The following MYBPH variants were observed in gnomAD, a reference collection of about 807,000 sequenced individuals.
MYBPH encodes the protein myosin binding protein H.
In MYBPH, 49 loss-of-function variants were observed where a neutral mutation model predicts 53.6. The observed-to-expected ratio is 0.91, with a 90% CI of 0.73 to 1.16. MYBPH has a LOEUF of 1.16. MYBPH is among the 50% of genes most tolerant of loss of function. The pLI, the probability that MYBPH is intolerant of heterozygous loss-of-function variation, is 0.00. For synonymous variants in MYBPH, 239 were observed against 249.6 expected, an observed-to-expected ratio of 0.96 and a Z score of 0.40; for missense variants, 558 against 624.1, an observed-to-expected ratio of 0.89 and a Z score of 1.13.
Position 203,171,300 on chromosome 1 carries a change from C to T in MYBPH, c.793+83G>A. On this transcript the variant is annotated intron_variant, in intron 5 of 10. Transcript: ENST00000255416. This position sits in a 1 kb window ranked among gnomAD's most constrained non-coding sequence, Gnocchi z 4.2. Reference sequence around the variant, plus strand: ...GCTCTTGCCACACTCCCTTGGCCTGCTCCCATCAGCCATCAGCTCTGGGAT... The same window carrying T: ...GCTCTTGCCACACTCCCTTGGCCTGTTCCCATCAGCCATCAGCTCTGGGAT... 4.5e-6 allele frequency: 7 copies of T among 1,561,666 alleles called. No individual in the cohort carries two copies. The highest frequency in any genetic ancestry group is 1.4e-5 in the African/African-American group (1 of 73,964).
At chr1:203,168,754 ACCTGT>A in intron 9 of MYBPH, 79 bp from the exon 10 acceptor site, 1 of 1,602,294 alleles carries the variant, frequency 6.2e-7, no homozygotes, top group Non-Finnish European at 8.5e-7. Flanking sequence ...CCTCTTCTAC[ACCTGT>A]CCACCCTGCC....
At chr1:203,172,860 T>C (rs3766548) in intron 3 of MYBPH, among the ~76,000 whole-genome samples, 44,445 of 152,090 alleles carry the variant, frequency 0.29, 7,742 homozygotes, top group Non-Finnish European at 0.4. Context: ...GTTGGTGGCA[T>C]GCAGGGCGGA....
Position 203,175,388 on chromosome 1 carries a change from G to A in MYBPH, c.279C>T (p.Pro93=), listed in dbSNP as rs1655786702. 10 of 1,537,098 alleles carry A rather than the reference G, an allele frequency of 6.5e-6. No individual in the cohort carries two copies. The highest frequency in any genetic ancestry group is 7.9e-6 in the Non-Finnish European group (9 of 1,144,392). The change falls in exon 2 of 11, where the codon CCC becomes CCT. Residue 93 remains proline (P), a synonymous_variant. Transcript: ENST00000255416. ...SSSSVTVSWE[P]PERLGRLGLQ... is the part of the protein sequence containing the mutation. ...GGCCCAGCCTCCCCAGCCTCTCTGG[G>A]GGCTCCCAGCTCACAGTCACAGAGC...
In MYBPH at chr1:203,171,222, G is replaced by C; in HGVS notation, c.794-22C>G. On this transcript the variant is annotated intron_variant, in intron 5 of 10. Coordinates refer to ENST00000255416, the MANE Select transcript of MYBPH (RefSeq NM_004997.3). This position sits in a 1 kb window ranked among gnomAD's most constrained non-coding sequence, Gnocchi z 4.2. ...TTCTCTGTAGGCCCAGAGTGTGAGA[G>C]GAAGTGAGTGTGAGGGCCAGGCTGG... 3 of 1,570,968 alleles carry C rather than the reference G, an allele frequency of 1.9e-6. No homozygotes were observed. The highest frequency in any genetic ancestry group is 1.4e-5 in the African/African-American group (1 of 73,646).
chr1:203,170,608 G>C (rs1343775001), intron 6 of MYBPH, among the ~76,000 whole-genome samples, 158 bp from the exon 7 acceptor site: 6 of 152,274 alleles, frequency 3.9e-5, no homozygotes, highest in African/African-American at 1.4e-4. Flanking sequence ...TTGGAAGAAG[G>C]GGCCCCTGGG....
Position 203,175,775 on chromosome 1 carries a change from C to A in MYBPH, c.-20G>T. ...CATCATTGCTGGACTGGCTGGGGGG[C>A]CAGGGTGGAGTGTGCAGGGGTCAGC... On this transcript the variant is annotated 5_prime_UTR_variant, in exon 1 of 11. Transcript: ENST00000255416. The A allele has an allele frequency of 6.2e-7, 1 of 1,612,366 alleles. No individual in the cohort carries two copies. The highest frequency in any genetic ancestry group is 8.5e-7 in the Non-Finnish European group (1 of 1,179,736).
chr1:203,172,346 A>G (rs1655717328), intron 3 of MYBPH, among the ~76,000 whole-genome samples: 1 of 152,108 alleles, frequency 6.6e-6, no homozygotes, highest in Admixed American at 6.5e-5. Flanking sequence ...CCTGCAGCCC[A>G]GGCATTCCCA....
At chr1:203,173,559 A>G (rs956323973) in intron 3 of MYBPH, among the ~76,000 whole-genome samples, 1 of 152,198 alleles carries the variant, frequency 6.6e-6, no homozygotes, top group Non-Finnish European at 1.5e-5. Flanking sequence ...CATGGTTCCC[A>G]TGTCTCTCAG....
At chr1:203,168,800 C>T in intron 9 of MYBPH, 106 bp downstream of exon 9, 1 of 1,581,544 alleles carries the variant, frequency 6.3e-7, no homozygotes, top group Non-Finnish European at 8.6e-7. Context: ...AGCCTGACCC[C>T]AGTCTTACCA....
chr1:203,172,037 G>C lies in MYBPH; in HGVS notation c.512C>G (p.Ala171Gly). 7.6e-7 allele frequency: 1 copy of C among 1,315,874 alleles called. No individual in the cohort carries two copies. Among genetic ancestry groups the C allele is most frequent in the Non-Finnish European group, 9.8e-7 (1 of 1,024,560 alleles). 81.5% of individuals were successfully genotyped at this position (1,315,874 alleles called of 1,614,324 possible). ...GTGGCGGGGGACACGGATCTTGGGG[G>C]CCTCTGGATCAAAGCAAGAGTCTGG... ...QPIHIRENIE[A>G]PKIRVPRHLR... is the part of the protein sequence containing the mutation. The change falls in exon 4 of 11, where the codon GCC (alanine) becomes GGC (glycine). Residue 171 changes from alanine to glycine, a missense_variant. Coordinates refer to ENST00000255416, the MANE Select transcript of MYBPH (RefSeq NM_004997.3).
chr1:203,174,301 T>C, intron 3 of MYBPH, 129 bp downstream of exon 3: 1 of 1,431,908 alleles, frequency 7.0e-7, no homozygotes, highest in Non-Finnish European at 9.2e-7. Flanking sequence ...TGATAGCGTG[T>C]GGCTTGTGCA....
At chr1:203,179,004 C>T (rs1219527174), upstream of MYBPH, 3 of 157,604 alleles carry the variant, frequency 1.9e-5, no homozygotes, top group Non-Finnish European at 2.8e-5. Context: ...GACACGATTA[C>T]GTTCCTAAGT....
intron 7 of MYBPH, among the ~76,000 whole-genome samples, 154 bp downstream of exon 7, chr1:203,170,137 C>T (rs1655666676): frequency 6.6e-6 from 1 of 152,196 alleles, no homozygotes; most frequent in Non-Finnish European, 1.5e-5. Context: ...GCAGCCACTC[C>T]ATGTGTGTGT....
chr1:203,175,943 G>T, upstream of MYBPH: 1 of 602,398 alleles, frequency 1.7e-6, no homozygotes, highest in South Asian at 2.0e-5. Context: ...AGGCGCCCAG[G>T]CCAGGAATAG....
intron 7 of MYBPH, 108 bp downstream of exon 7, chr1:203,170,183 C>A: frequency 7.2e-7 from 1 of 1,388,496 alleles, no homozygotes; most frequent in Non-Finnish European, 9.9e-7. Flanking sequence ...GGCAAGTGTT[C>A]CAGGGGCAGA....
chr1:203,177,525 G>A (rs575524122), upstream of MYBPH, among the ~76,000 whole-genome samples: 13 of 152,320 alleles, frequency 8.5e-5, no homozygotes, highest in African/African-American at 2.6e-4. Context: ...TGGCAGTGCA[G>A]GGCCTGGGAG....
upstream of MYBPH, among the ~76,000 whole-genome samples, chr1:203,177,717 G>A (rs1655840772): frequency 6.6e-6 from 1 of 152,374 alleles, no homozygotes; most frequent in African/African-American, 2.4e-5. Context: ...GTCCCCGGCT[G>A]GGGGAAGGGT....
At chr1:203,175,958 G>A (rs1309772625), upstream of MYBPH, 5 of 591,650 alleles carry the variant, frequency 8.5e-6, no homozygotes, top group South Asian at 1.0e-4. Flanking sequence ...GAATAGCTCT[G>A]GGGGAGGAAC....
chr1:203,173,665 A>T (rs533781358), intron 3 of MYBPH, among the ~76,000 whole-genome samples: 7 of 152,294 alleles, frequency 4.6e-5, no homozygotes, highest in African/African-American at 1.7e-4. Context: ...ACCAGAAATC[A>T]TCCATCCCCT....
Sources: gnomAD v4.1 joint callset for allele counts (sites outside exome capture counted in the v4.1 genomes callset) on GRCh38, gnomAD v4.1.1 for gene constraint, Gnocchi (gnomAD v3.1) non-coding constraint, MANE v1.5 for transcripts, NCBI Gene and HGNC (gene_info 2026-07-23, HGNC 2026-07-21) for gene names.